PLCB1: variants seen among roughly 807,000 people sequenced by gnomAD.
PLCB1 encodes 1-phosphatidylinositol 4,5-bisphosphate phosphodiesterase beta-1.
Under a neutral mutation model 161.8 loss-of-function variants are expected in PLCB1, and 46 were observed. The ratio of observed to expected loss-of-function variants is 0.28; its 90% CI spans 0.22 to 0.36. PLCB1 has a LOEUF of 0.36. Among genes scored for constraint, PLCB1 ranks in the 10% least tolerant of loss-of-function variants. The pLI is 1.00. For synonymous variants in PLCB1, 517 were observed against 503.7 expected (o/e 1.03, Z -0.35); for missense variants, 1,016 against 1,472.5 (o/e 0.69, Z 5.07).
At chr20:8,156,123 C>T (rs2051558645) in intron 2 of PLCB1, among the ~76,000 whole-genome samples, 1 of 152,204 alleles carries the variant, frequency 6.6e-6, no homozygotes, top group Admixed American at 6.5e-5. Context: ...CCAGTGCCTG[C>T]ATTCTTTTGC....
chr20:8,193,499 A>C (rs1436860192), intron 2 of PLCB1, among the ~76,000 whole-genome samples: 1 of 152,030 alleles, frequency 6.6e-6, no homozygotes, highest in East Asian at 1.9e-4. Context: ...AGGCAAGAAT[A>C]ATCACATTTG....
chr20:8,739,216 A>C lies in PLCB1; in HGVS notation c.2209-45A>C, dbSNP rs1477850507. 2.8e-6 allele frequency: 3 copies of C among 1,082,550 alleles called. No individual in the cohort carries two copies. In the African/African-American group the frequency reaches 4.6e-5, roughly 17 times the overall value. 67.1% of individuals were successfully genotyped at this position (1,082,550 alleles called of 1,614,324 possible). On this transcript the variant is annotated intron_variant, in intron 20 of 31. Transcript: ENST00000338037. ...AATACCTTTCTAATTATTTCTTGGA[A>C]TTGTTCATTCTTATAACCAGGTGTG...
chr20:8,378,440 T>C (rs1272363103), intron 3 of PLCB1, among the ~76,000 whole-genome samples: 1 of 152,262 alleles, frequency 6.6e-6, no homozygotes, highest in Non-Finnish European at 1.5e-5. Context: ...CCATTACATG[T>C]ACAATAGCTT....
At chr20:8,542,240 G>A (rs1985365750) in intron 3 of PLCB1, among the ~76,000 whole-genome samples, 1 of 152,118 alleles carries the variant, frequency 6.6e-6, no homozygotes, top group Non-Finnish European at 1.5e-5. Flanking sequence ...CAATCTACTA[G>A]TGCCTCGGGC....
At chr20:8,571,870 G>A (rs922000522) in intron 3 of PLCB1, among the ~76,000 whole-genome samples, 1 of 152,156 alleles carries the variant, frequency 6.6e-6, no homozygotes, top group South Asian at 2.1e-4. Context: ...ATATTTGCTG[G>A]CACACTCCAA....
At chr20:8,263,841 G>A (rs564608296) in intron 2 of PLCB1, among the ~76,000 whole-genome samples, 3 of 152,266 alleles carry the variant, frequency 2.0e-5, no homozygotes, top group African/African-American at 7.2e-5. Flanking sequence ...GTTGCTCTGG[G>A]TGAGTTGTTG....
intron 4 of PLCB1, among the ~76,000 whole-genome samples, chr20:8,639,529 A>G (rs891722558): frequency 3.9e-5 from 6 of 152,234 alleles, no homozygotes; most frequent in African/African-American, 1.4e-4. Flanking sequence ...CAGTAAAAGG[A>G]AAAGAGATCT....
chr20:8,823,369 T>C (rs6056173), intron 31 of PLCB1, among the ~76,000 whole-genome samples: 4,028 of 152,234 alleles, frequency 0.026, 167 homozygotes, highest in African/African-American at 0.092. Flanking sequence ...GTGATCTGCC[T>C]GCCTCAGCCT....
Position 8,203,129 on chromosome 20 carries a change from G to A in PLCB1, c.177+52758G>A, listed in dbSNP as rs62199990. ...CACACACACACGTACACACACAGAG[G>A]CAGTGGCATGGAGGATCATTTGGAA... On this transcript the variant is annotated intron_variant, in intron 2 of 31. Transcript: ENST00000338037. 4.6e-3 allele frequency among the ~76,000 whole-genome samples: 703 copies of A among 151,924 alleles called. 3 individuals are homozygous for A. The highest frequency in any genetic ancestry group is 8.0e-3 in the Non-Finnish European group (547 of 67,960).
chr20:8,276,241 A>G (rs2123273330), intron 2 of PLCB1, among the ~76,000 whole-genome samples: 1 of 152,362 alleles, frequency 6.6e-6, no homozygotes, highest in South Asian at 2.1e-4. Context: ...TATCAGATCA[A>G]CATCTCCAGT....
intron 31 of PLCB1, among the ~76,000 whole-genome samples, chr20:8,822,312 T>C (rs1985471522): frequency 6.6e-6 from 1 of 152,214 alleles, no homozygotes; most frequent in African/African-American, 2.4e-5. Context: ...ATCCAAAAGA[T>C]ATTTATTAAG....
chr20:8,514,945 A>G (rs1005678505), intron 3 of PLCB1, among the ~76,000 whole-genome samples: 2 of 152,188 alleles, frequency 1.3e-5, no homozygotes, highest in Non-Finnish European at 2.9e-5. Context: ...TGAGTTTCCA[A>G]TAAGTACCCA....
At chr20:8,854,763 AC>A (rs1446973536) in intron 31 of PLCB1, among the ~76,000 whole-genome samples, 2 of 152,222 alleles carry the variant, frequency 1.3e-5, no homozygotes, top group African/African-American at 4.8e-5. Context: ...ACGCTGGCGA[AC>A]GACAAACTCG....
chr20:8,802,049 C>T (rs1034704568), intron 31 of PLCB1: 2 of 1,545,296 alleles, frequency 1.3e-6, no homozygotes, highest in African/African-American at 2.7e-5. Context: ...CCTTTTTTTC[C>T]ACACAGGGGG....
chr20:8,577,767 A>G (rs1238510329), intron 3 of PLCB1, among the ~76,000 whole-genome samples: 1 of 152,160 alleles, frequency 6.6e-6, no homozygotes, highest in Non-Finnish European at 1.5e-5. Flanking sequence ...TTAGATTATC[A>G]ATGCCTTTAT....
intron 2 of PLCB1, among the ~76,000 whole-genome samples, chr20:8,158,775 C>T (rs183729390): frequency 7.6e-4 from 116 of 152,298 alleles, no homozygotes; most frequent in Non-Finnish European, 1.4e-3. Context: ...CATGCAAGTC[C>T]AAAATCTAGC....
intron 19 of PLCB1, among the ~76,000 whole-genome samples, chr20:8,735,448 A>G (rs1056274526): frequency 6.6e-6 from 1 of 152,238 alleles, no homozygotes; most frequent in African/African-American, 2.4e-5. Context: ...TCACTGCAGT[A>G]GAGTCCTACC....
intron 2 of PLCB1, among the ~76,000 whole-genome samples, chr20:8,327,888 G>T (rs1454912080): frequency 6.6e-6 from 1 of 150,496 alleles, no homozygotes; most frequent in Non-Finnish European, 1.5e-5. Context: ...GTGTACATAT[G>T]TATAGTTATA....
intron 3 of PLCB1, among the ~76,000 whole-genome samples, chr20:8,619,780 T>C (rs1988128148): frequency 6.6e-6 from 1 of 152,160 alleles, no homozygotes; most frequent in Non-Finnish European, 1.5e-5. Context: ...AAAACAAAAT[T>C]AAAGTGCAAA....
Sources: gnomAD v4.1 joint callset for allele counts (sites outside exome capture counted in the v4.1 genomes callset) on GRCh38, gnomAD v4.1.1 for gene constraint, MANE v1.5 for transcripts, NCBI Gene and HGNC (gene_info 2026-07-23, HGNC 2026-07-21) for gene names.